ZNF226: variants seen among roughly 807,000 people sequenced by gnomAD.
ZNF226 encodes the protein Kruppel-associated box protein.
ZNF226 carries 6 observed loss-of-function variants against 11.4 expected under a neutral mutation model. The ratio of observed to expected loss-of-function variants is 0.53; its 90% confidence interval spans 0.29 to 1.04. The LOEUF is 1.04. Among genes scored for constraint, ZNF226 ranks in the 50% least tolerant of loss-of-function variants. The pLI, the probability that ZNF226 is intolerant of heterozygous loss-of-function variation, is 0.08. For synonymous variants in ZNF226, 350 were observed against 322.8 expected (o/e 1.08, Z -0.90); for missense variants, 1,058 against 956.5 (o/e 1.11, Z -1.40).
chr19:44,194,898 A>G, the ZNF226 span, among the ~76,000 whole-genome samples: 2 of 152,238 alleles, frequency 1.3e-5, no homozygotes, highest in African/African-American at 4.8e-5. Flanking sequence ...GAAAGTGTTC[A>G]GAAACAAGCA....
At chr19:44,170,178 A>G in intron 3 of ZNF226, 83 bp downstream of exon 3, 1 of 1,445,544 alleles carries the variant, frequency 6.9e-7, no homozygotes, top group Non-Finnish European at 9.5e-7. Context: ...TTTTCAAGTA[A>G]GAGTCAAGGC....
intron 2 of ZNF226, chr19:44,169,717 C>T (rs906446369): frequency 1.1e-4 from 22 of 193,674 alleles, no homozygotes; most frequent in Admixed American, 5.4e-4. Context: ...CTTTTAGTGT[C>T]AGGATTTTAA....
downstream of ZNF226, among the ~76,000 whole-genome samples, chr19:44,182,533 TACTC>T (rs1411445269): frequency 6.6e-6 from 1 of 152,178 alleles, no homozygotes; most frequent in Non-Finnish European, 1.5e-5. Flanking sequence ...TGTAAAGCCT[TACTC>T]AACCCTTGTA....
At chr19:44,173,159 A>C (rs917214253) in intron 5 of ZNF226, 5 of 585,292 alleles carry the variant, frequency 8.5e-6, no homozygotes, top group South Asian at 2.3e-5. Context: ...ACCTTGTGTC[A>C]GACTATGTTG....
At position 44,175,647 on chromosome 19, in the gene ZNF226, GA is replaced by G; in HGVS notation, c.386del (p.Asp129ValfsTer6). On this transcript the variant is annotated frameshift_variant, in exon 6 of 6. Transcript: ENST00000337433. LOFTEE classifies it low-confidence loss of function (END_TRUNC). ...TAATTCTCAGTGTCACAAACAAGGT[GA>G]TTTCCCTTACCAGGTAGGGACAGAA... Reference protein sequence around the residue: ...INNSQCHKQGDFPYQVGTELS... With the variant: ...INNSQCHKQGXFPYQVGTELS... 6.2e-7 allele frequency: 1 copy of G among 1,613,864 alleles called. No homozygotes were observed. The highest frequency in any genetic ancestry group is 8.5e-7 in the Non-Finnish European group (1 of 1,179,832).
intron 3 of ZNF226, 146 bp from the exon 4 acceptor site, chr19:44,171,942 C>A: frequency 3.0e-6 from 3 of 1,007,162 alleles, no homozygotes; most frequent in Non-Finnish European, 4.4e-6. Flanking sequence ...TTTGGTAAGT[C>A]AGTGTATGGC....
chr19:44,170,761 AAAT>A (rs1970003125), intron 3 of ZNF226, among the ~76,000 whole-genome samples: 1 of 152,100 alleles, frequency 6.6e-6, no homozygotes, highest in African/African-American at 2.4e-5. Flanking sequence ...AAAAATAAAA[AAAT>A]TAGCCAGGTA....
chr19:44,182,049 G>C (rs1186170360), downstream of ZNF226, among the ~76,000 whole-genome samples: 1 of 152,192 alleles, frequency 6.6e-6, no homozygotes, highest in Non-Finnish European at 1.5e-5. Context: ...GATTAGGCTG[G>C]ATTTGCTGAT....
chr19:44,169,345 A>G (rs1969800959), intron 2 of ZNF226, among the ~76,000 whole-genome samples: 1 of 151,980 alleles, frequency 6.6e-6, no homozygotes, highest in South Asian at 2.1e-4. Context: ...TTAGGTATGG[A>G]TTGTCAAACG....
the ZNF226 span, among the ~76,000 whole-genome samples, chr19:44,183,940 A>G: frequency 2.6e-5 from 4 of 152,134 alleles, no homozygotes; most frequent in Non-Finnish European, 5.9e-5. Context: ...ATTTTTCACA[A>G]TTTACCCAGG....
In ZNF226 at chr19:44,172,337, C is replaced by G. The variant is rs1599727665; in HGVS notation, c.142+123C>G. On this transcript the variant is annotated intron_variant, in intron 4 of 5. Transcript: ENST00000337433. ...CTAATTTTTGTGGGATGCAGAGACA[C>G]TGGATGTTTCTGGTCTTTCTGAACA... 4 of 1,250,016 alleles carry G rather than the reference C, an allele frequency of 3.2e-6. No homozygotes were observed. The East Asian group carries it at 7.6e-5, about 24-fold the overall frequency. The allele number at this position is 1,250,016 out of a possible 1,614,324, so 77.4% of individuals were successfully genotyped here.
downstream of ZNF226, among the ~76,000 whole-genome samples, chr19:44,181,268 G>A (rs557319513): frequency 6.6e-6 from 1 of 152,108 alleles, no homozygotes; most frequent in East Asian, 1.9e-4. Context: ...TGTGGTTCCA[G>A]GTACTCAGGA....
At chr19:44,185,947 G>A in the ZNF226 span, among the ~76,000 whole-genome samples, 1 of 151,996 alleles carries the variant, frequency 6.6e-6, no homozygotes, top group African/African-American at 2.4e-5. Context: ...ACAATGTAAG[G>A]TAAGGGTCTA....
At chr19:44,175,046 A>C in intron 5 of ZNF226, 4 of 1,611,432 alleles carry the variant, frequency 2.5e-6, no homozygotes, top group Non-Finnish European at 3.4e-6. Flanking sequence ...TTGGATTTGA[A>C]GTTAGAAGAA....
At chr19:44,180,841 AT>A (rs1054515044), downstream of ZNF226, among the ~76,000 whole-genome samples, 7 of 151,928 alleles carry the variant, frequency 4.6e-5, no homozygotes, top group South Asian at 2.1e-4. Flanking sequence ...TTCCAAAATG[AT>A]TTTTTTTGAT....
chr19:44,175,240 TTAGA>T, intron 5 of ZNF226: 1 of 1,398,778 alleles, frequency 7.1e-7, no homozygotes, highest in Non-Finnish European at 9.2e-7. Context: ...AATAAAAAAT[TTAGA>T]TAGTATGTCA....
the ZNF226 span, among the ~76,000 whole-genome samples, chr19:44,196,733 T>G: frequency 6.6e-6 from 1 of 152,236 alleles, no homozygotes; most frequent in Non-Finnish European, 1.5e-5. Context: ...ATTGTATCCA[T>G]TGGGCTCATG....
In ZNF226 at chr19:44,176,403, C is replaced by T; in HGVS notation, c.1141C>T (p.His381Tyr). The change falls in exon 6 of 6, where the codon CAT (histidine) becomes TAT (tyrosine). Residue 381 changes from histidine to tyrosine, a missense_variant. Coordinates refer to ENST00000337433, the MANE Select transcript of ZNF226 (RefSeq NM_001032373.2). ...AFSQASHLQD[H>Y]QRLHTGEKPF... ...CAGTCAGGCCTCTCATCTTCAGGAC[C>T]ATCAGAGACTCCACACTGGGGAGAA... The T allele has an allele frequency of 6.2e-7, 1 of 1,614,050 alleles. No individual in the cohort carries two copies. The highest frequency in any genetic ancestry group is 2.2e-5 in the East Asian group (1 of 44,876).
intron 3 of ZNF226, 99 bp downstream of exon 3, chr19:44,170,194 A>T (rs973767405): frequency 2.3e-6 from 3 of 1,283,572 alleles, no homozygotes; most frequent in Non-Finnish European, 3.3e-6. Context: ...AAGGCATCTG[A>T]TGACCTGTTG....
Sources: allele counts gnomAD v4.1 joint callset (sites outside exome capture counted in the v4.1 genomes callset), GRCh38; gene constraint gnomAD v4.1.1; transcripts MANE v1.5; gene names NCBI Gene and HGNC (gene_info 2026-07-23, HGNC 2026-07-21).